RBFOX1: variants seen among roughly 807,000 people sequenced by gnomAD.
RBFOX1 encodes RNA binding protein fox-1 homolog 1.
Under a neutral mutation model 57.7 loss-of-function variants are expected in RBFOX1, and 8 were observed. The ratio of observed to expected loss-of-function variants is 0.14; its 90% CI spans 0.08 to 0.25. RBFOX1 has a LOEUF of 0.25. RBFOX1 is among the 10% of genes least tolerant of loss of function. The pLI, the probability that RBFOX1 is intolerant of heterozygous loss-of-function variation, is 1.00. For missense variants in RBFOX1, 611 were observed against 548.5 expected, an observed-to-expected ratio of 1.11 and a Z score of -1.14; for synonymous variants, 326 against 222.4, an observed-to-expected ratio of 1.47 and a Z score of -4.15.
chr16:6,564,441 C>T (rs916772270), intron 2 of RBFOX1, among the ~76,000 whole-genome samples: 1 of 151,316 alleles, frequency 6.6e-6, no homozygotes, highest in Non-Finnish European at 1.5e-5. Context: ...GCCTGGGCAA[C>T]AGAGTGAGAC....
At position 7,155,520 on chromosome 16, in the gene RBFOX1, C is replaced by T. The variant is rs529400498; in HGVS notation, c.27+103422C>T. ...CTAAAATGGGAGGATTGCTTGAGCT[C>T]GGGAGTTGTAGGTTGCCATGACTGG... is the stretch of plus-strand genomic sequence containing the variant. On this transcript the variant is annotated intron_variant, in intron 4 of 15. Coordinates refer to ENST00000550418, the MANE Select transcript of RBFOX1 (RefSeq NM_018723.4). Among the ~76,000 whole-genome samples, 13 of 150,388 alleles carry T rather than the reference C, an allele frequency of 8.6e-5. No individual in the cohort carries two copies. The South Asian group carries it at 1.5e-3, about 17-fold the overall frequency.
intron 3 of RBFOX1, among the ~76,000 whole-genome samples, chr16:6,674,855 C>A (rs1025708501): frequency 9.9e-5 from 15 of 152,108 alleles, no homozygotes; most frequent in African/African-American, 3.6e-4. Context: ...GCTTCCAGAA[C>A]TGGGAGAGAA....
At chr16:6,638,596 A>T (rs558569453) in intron 2 of RBFOX1, among the ~76,000 whole-genome samples, 3 of 152,326 alleles carry the variant, frequency 2.0e-5, no homozygotes, top group South Asian at 2.1e-4. Flanking sequence ...TCTTTGATGA[A>T]TGAAGGTGTG....
intron 1 of RBFOX1, among the ~76,000 whole-genome samples, chr16:6,065,863 G>C (rs1376035926): frequency 2.0e-5 from 3 of 152,130 alleles, no homozygotes; most frequent in Admixed American, 6.5e-5. Context: ...CTTGGGGTCT[G>C]GATTTTGCCT....
intron 4 of RBFOX1, among the ~76,000 whole-genome samples, chr16:7,106,028 G>A (rs940270355): frequency 1.2e-4 from 19 of 152,116 alleles, no homozygotes; most frequent in Admixed American, 5.2e-4. Flanking sequence ...CAACTCTCTG[G>A]TGTTCATGGG....
chr16:6,085,566 AC>A (rs1052654793), intron 1 of RBFOX1, among the ~76,000 whole-genome samples: 2 of 151,696 alleles, frequency 1.3e-5, no homozygotes, highest in Admixed American at 6.6e-5. Flanking sequence ...ACTGTGCCCG[AC>A]CCTCACACCC....
intron 4 of RBFOX1, among the ~76,000 whole-genome samples, chr16:5,898,915 T>G (rs2058234751): frequency 1.4e-5 from 2 of 140,732 alleles, no homozygotes; most frequent in Admixed American, 7.1e-5. Context: ...AAAAAAAAAG[T>G]AGCCGGGTGT....
At chr16:7,534,086 CTTTTT>C (rs529708813) in intron 5 of RBFOX1, among the ~76,000 whole-genome samples, 11 of 129,922 alleles carry the variant, frequency 8.5e-5, no homozygotes, top group Non-Finnish European at 1.1e-4. Flanking sequence ...CGTTTTTTTT[CTTTTT>C]TTTTTTTTTT....
At chr16:5,517,650 T>C (rs765574582) in intron 2 of RBFOX1, among the ~76,000 whole-genome samples, 4 of 152,152 alleles carry the variant, frequency 2.6e-5, no homozygotes, top group Non-Finnish European at 5.9e-5. Flanking sequence ...GCATCTCAAA[T>C]AGATTGGGCT....
intron 1 of RBFOX1, among the ~76,000 whole-genome samples, chr16:5,424,564 C>T (rs887312187): frequency 6.0e-5 from 9 of 150,794 alleles, no homozygotes; most frequent in East Asian, 1.9e-4. Flanking sequence ...TTATAGCTAA[C>T]GCATGCAGGG....
chr16:5,529,260 C>G (rs1266905493), intron 2 of RBFOX1, among the ~76,000 whole-genome samples: 1 of 152,052 alleles, frequency 6.6e-6, no homozygotes, highest in Non-Finnish European at 1.5e-5. Flanking sequence ...TGTCCCCTCC[C>G]AAATTCATTT....
chr16:6,240,709 G>A (rs1256990523), intron 1 of RBFOX1, among the ~76,000 whole-genome samples: 3 of 152,056 alleles, frequency 2.0e-5, no homozygotes, highest in Non-Finnish European at 4.4e-5. Flanking sequence ...ATTGCTGTAG[G>A]GAAGGGGTTC....
chr16:5,352,196 T>A (rs1371228869), intron 1 of RBFOX1, among the ~76,000 whole-genome samples: 2 of 152,194 alleles, frequency 1.3e-5, no homozygotes, highest in Non-Finnish European at 2.9e-5. Context: ...TTCCCTCTCA[T>A]GTGCTCCTCC....
intron 4 of RBFOX1, among the ~76,000 whole-genome samples, chr16:7,309,826 A>C (rs2096269952): frequency 6.6e-6 from 1 of 152,194 alleles, no homozygotes; most frequent in African/African-American, 2.4e-5. Context: ...TGAGCAGCAC[A>C]TGTCATCCCG....
At chr16:6,068,202 C>T (rs1409493830) in intron 1 of RBFOX1, among the ~76,000 whole-genome samples, 3 of 152,144 alleles carry the variant, frequency 2.0e-5, no homozygotes, top group African/African-American at 7.2e-5. Flanking sequence ...ATCATACATA[C>T]CTGGCTTGTG....
chr16:6,917,034 A>C (rs1436139806), intron 3 of RBFOX1, among the ~76,000 whole-genome samples: 2 of 152,052 alleles, frequency 1.3e-5, no homozygotes, highest in Non-Finnish European at 2.9e-5. Context: ...TTTTTAGTAG[A>C]GATGGGTTTC....
intron 4 of RBFOX1, among the ~76,000 whole-genome samples, chr16:7,337,633 C>G (rs760994469): frequency 3.9e-5 from 6 of 152,162 alleles, no homozygotes; most frequent in Non-Finnish European, 7.4e-5. Flanking sequence ...TGGGCTTCAT[C>G]TATACCATCC....
chr16:6,352,194 T>C (rs771675526), intron 2 of RBFOX1, among the ~76,000 whole-genome samples: 6 of 152,222 alleles, frequency 3.9e-5, no homozygotes, highest in Admixed American at 6.5e-5. Flanking sequence ...CTCTGCTTTA[T>C]TTTCCTCCTT....
intron 3 of RBFOX1, among the ~76,000 whole-genome samples, chr16:5,759,538 A>G (rs918751943): frequency 6.6e-6 from 1 of 152,152 alleles, no homozygotes; most frequent in Non-Finnish European, 1.5e-5. Context: ...GAGTTTTCTT[A>G]ATTTCTGTAG....
Sources: gnomAD v4.1 joint callset for allele counts (sites outside exome capture counted in the v4.1 genomes callset) on GRCh38, gnomAD v4.1.1 for gene constraint, MANE v1.5 for transcripts, NCBI Gene and HGNC (gene_info 2026-07-23, HGNC 2026-07-21) for gene names.